The following ATP2B4 variants were observed in gnomAD, a reference collection of about 807,000 sequenced individuals.
ATP2B4 encodes ATPase plasma membrane Ca2+ transporting 4.
Under a neutral mutation model 110.3 loss-of-function variants are expected in ATP2B4, and 39 were observed. That is an observed-to-expected ratio of 0.35 (90% CI 0.27 to 0.46). The LOEUF (loss-of-function observed/expected upper bound fraction) is 0.46. ATP2B4 is among the 20% of genes least tolerant of loss of function. The probability of loss-of-function intolerance (pLI) is 1.00; values close to 1 mark genes in which losing one functional copy is unlikely to be tolerated. For missense variants in ATP2B4, 1,135 were observed against 1,530.9 expected (o/e 0.74, Z 4.32); for synonymous variants, 538 against 571.7 (o/e 0.94, Z 0.84).
chr1:203,715,501 C>T (rs115849798), intron 15 of ATP2B4, among the ~76,000 whole-genome samples: 2,525 of 141,964 alleles, frequency 0.018, 286 homozygotes, highest in African/African-American at 0.063. Context: ...TACGATGAGC[C>T]GAGTTAGCAC....
Position 203,695,376 on chromosome 1 carries a change from C to T in ATP2B4, c.194-2781C>T, listed in dbSNP as rs536732291. 2.0e-5 allele frequency among the ~76,000 whole-genome samples: 3 copies of T among 152,358 alleles called. No homozygotes were observed. The East Asian group carries it at 5.8e-4, about 29-fold the overall frequency. ...TAAAGATTCCCTGCCCAGAACACTC[C>T]TTTCCCAGGCTCTGGCTTTCCCTCC... On this transcript the variant is annotated intron_variant, in intron 2 of 20. Transcript: ENST00000357681.
At chr1:203,710,106 G>A (rs1404071110) in intron 11 of ATP2B4, among the ~76,000 whole-genome samples, 2 of 152,030 alleles carry the variant, frequency 1.3e-5, no homozygotes, top group African/African-American at 4.8e-5. Context: ...AGTGGCTCAC[G>A]CCTGTAATCC....
At chr1:203,737,052 C>T (rs566639194) in intron 20 of ATP2B4, among the ~76,000 whole-genome samples, 1 of 152,288 alleles carries the variant, frequency 6.6e-6, no homozygotes, top group South Asian at 2.1e-4. Flanking sequence ...GTTTCTTGCT[C>T]CCCAAAAGAC....
rs750558624 is a variant in ATP2B4, at chr1:203,708,121, C to T, written c.1557+17C>T. 67 of 1,613,736 alleles carry T rather than the reference C, an allele frequency of 4.2e-5. No individual in the cohort carries two copies. The highest frequency in any genetic ancestry group is 5.3e-5 in the Non-Finnish European group (62 of 1,179,764). On this transcript the variant is annotated intron_variant, in intron 10 of 20. Coordinates refer to ENST00000357681, the MANE Select transcript of ATP2B4 (RefSeq NM_001684.5). ...AAGATTCTGGTAAGCATTTCCTTTG[C>T]GTAGACACTTAGAGTGGGTGGTTGG... is the stretch of plus-strand genomic sequence containing the variant.
chr1:203,696,348 GC>G (rs1665532976), intron 2 of ATP2B4, among the ~76,000 whole-genome samples: 1 of 152,114 alleles, frequency 6.6e-6, no homozygotes, highest in African/African-American at 2.4e-5. Context: ...TGTAAAGAAG[GC>G]CTCTGGCATC....
chr1:203,727,158 A>G (rs576169540), intron 19 of ATP2B4, among the ~76,000 whole-genome samples: 6 of 152,238 alleles, frequency 3.9e-5, no homozygotes, highest in Non-Finnish European at 8.8e-5. Flanking sequence ...TTACTAGAAT[A>G]GAAGCTCTCT....
At chr1:203,702,177 CTG>C (rs1422417766) in intron 7 of ATP2B4, 98 bp downstream of exon 7, 17 of 1,455,908 alleles carry the variant, frequency 1.2e-5, no homozygotes, top group East Asian at 4.6e-5. Context: ...CTCCATAAAT[CTG>C]TTATCTGCTG....
intron 1 of ATP2B4, chr1:203,657,488 T>C: frequency 1.3e-6 from 1 of 785,858 alleles, no homozygotes; most frequent in East Asian, 2.4e-5. Flanking sequence ...GATAAGCAGG[T>C]ACTGCTCCCT....
chr1:203,674,637 C>CTTTTTTTTTTTTTTTTTTTTTTT (rs57153257), intron 1 of ATP2B4, among the ~76,000 whole-genome samples: 1 of 46,228 alleles, frequency 2.2e-5, no homozygotes, highest in Non-Finnish European at 3.9e-5. Flanking sequence ...CCACACCTGG[C>CTTTTTTTTTTTTTTTTTTTTTTT]TTTTTTTTTT....
At chr1:203,662,194 C>A (rs1664359597) in intron 1 of ATP2B4, among the ~76,000 whole-genome samples, 1 of 152,048 alleles carries the variant, frequency 6.6e-6, no homozygotes, top group Non-Finnish European at 1.5e-5. Context: ...CGACTAATTT[C>A]TTTTTGTATT....
At chr1:203,735,874 T>C (rs1023373999) in intron 20 of ATP2B4, among the ~76,000 whole-genome samples, 21 of 152,088 alleles carry the variant, frequency 1.4e-4, no homozygotes, top group African/African-American at 4.3e-4. Context: ...GGTTTGATGG[T>C]GGAAGGAGAC....
chr1:203,731,880 G>GAGGA (rs1311622430), intron 20 of ATP2B4, among the ~76,000 whole-genome samples: 2 of 146,568 alleles, frequency 1.4e-5, no homozygotes, highest in African/African-American at 5.0e-5. Context: ...AGGAAGGAGG[G>GAGGA]AGGAAGGAAG....
intron 1 of ATP2B4, among the ~76,000 whole-genome samples, chr1:203,681,688 T>G (rs575354477): frequency 6.6e-6 from 1 of 152,232 alleles, no homozygotes; most frequent in African/African-American, 2.4e-5. Flanking sequence ...CTAGTTAGCA[T>G]GCGTGAGAGG....
At position 203,709,310 on chromosome 1, in the gene ATP2B4, A is replaced by C. The variant is rs1190484097; in HGVS notation, c.1567A>C (p.Lys523Gln). 1 of 1,614,118 alleles carries C rather than the reference A, an allele frequency of 6.2e-7. No individual in the cohort carries two copies. Among genetic ancestry groups the C allele is most frequent in the South Asian group, 1.1e-5 (1 of 91,084 alleles). The change falls in exon 11 of 21, where the codon AAG becomes CAG. Residue 523 changes from lysine (K) to glutamine (Q), a missense_variant. By Grantham distance (53) the Lys-to-Gln change is moderately conservative (BLOSUM62 1). Transcript: ENST00000357681. ...ATATTTCTTCTCCCAGCCTCCAGAGAAGGAGGGAGGCCTGCCTCGGCAGGT... is the reference window on the plus strand; with the variant it reads ...ATATTTCTTCTCCCAGCCTCCAGAGCAGGAGGGAGGCCTGCCTCGGCAGGT... The part of the protein sequence containing the change: ...AYTSKILPPE[K>Q]EGGLPRQVGN...
chr1:203,678,534 G>T (rs1376455220), intron 1 of ATP2B4, among the ~76,000 whole-genome samples: 1 of 151,632 alleles, frequency 6.6e-6, no homozygotes, highest in East Asian at 1.9e-4. Flanking sequence ...CTCCCAACTT[G>T]CTAGGACCAC....
intron 1 of ATP2B4, among the ~76,000 whole-genome samples, chr1:203,649,458 A>G (rs187482299): frequency 2.2e-4 from 33 of 152,310 alleles, no homozygotes; most frequent in African/African-American, 7.2e-4. Flanking sequence ...TGGAATCTAA[A>G]TGGAAGTGCT....
Position 203,698,197 on chromosome 1 carries a change from G to C in ATP2B4, c.234G>C (p.Gln78His). The stretch of plus-strand genomic sequence containing the variant: ...CTGCAGATCTGGAGAAACGTAGGCA[G>C]GTGTTTGGACACAACGTGATCCCCC... Reference protein sequence around the residue: ...GNPADLEKRRQVFGHNVIPPK... With the variant: ...GNPADLEKRRHVFGHNVIPPK... The change falls in exon 3 of 21, where the codon CAG becomes CAC. Residue 78 changes from glutamine (Q) to histidine (H), a missense_variant. Physicochemically the swap from Gln to His is conservative, Grantham distance 24 (BLOSUM62 0). Around this residue, in one of 9 missense-constraint regions of ATP2B4, gnomAD observed 122 missense variants for 125.2 expected, o/e 0.97. Transcript: ENST00000357681. 1.2e-6 allele frequency: 2 copies of C among 1,614,136 alleles called. No individual in the cohort carries two copies. The highest frequency in any genetic ancestry group is 1.7e-6 in the Non-Finnish European group (2 of 1,180,034).
intron 2 of ATP2B4, among the ~76,000 whole-genome samples, chr1:203,696,910 T>C (rs1665550295): frequency 6.6e-6 from 1 of 152,150 alleles, no homozygotes; most frequent in African/African-American, 2.4e-5. Flanking sequence ...GTCTGTATAG[T>C]GTGTGTGGCA....
intron 20 of ATP2B4, among the ~76,000 whole-genome samples, chr1:203,730,706 G>C (rs1666679636): frequency 6.6e-6 from 1 of 152,162 alleles, no homozygotes; most frequent in South Asian, 2.1e-4. Context: ...CTCTCTACAA[G>C]GTCTTTTTGG....
Sources: gnomAD v4.1 joint callset for allele counts (sites outside exome capture counted in the v4.1 genomes callset) on GRCh38, gnomAD v4.1.1 for gene constraint, gnomAD v4.1.1 regional missense constraint, MANE v1.5 for transcripts, NCBI Gene and HGNC (gene_info 2026-07-23, HGNC 2026-07-21) for gene names.